The following PPP6R1 variants were observed in gnomAD, a reference collection of about 807,000 sequenced individuals.
PPP6R1 encodes serine/threonine-protein phosphatase 6 regulatory subunit 1.
Under a neutral mutation model 104.6 loss-of-function variants are expected in PPP6R1, and 39 were observed. The ratio of observed to expected loss-of-function variants is 0.37; its 90% CI spans 0.29 to 0.49. The LOEUF (loss-of-function observed/expected upper bound fraction) is 0.49. PPP6R1 is among the 20% of genes least tolerant of loss of function. The pLI, the probability that PPP6R1 is intolerant of heterozygous loss-of-function variation, is 0.98. For synonymous variants in PPP6R1, 549 were observed against 479.0 expected (o/e 1.15, Z -1.91); for missense variants, 1,181 against 1,155.8 (o/e 1.02, Z -0.32).
At chr19:55,248,177 CCTGTGCT>C (rs1040169289) in intron 1 of PPP6R1, among the ~76,000 whole-genome samples, 19 of 152,374 alleles carry the variant, frequency 1.2e-4, no homozygotes, top group Admixed American at 3.3e-4. Context: ...TGACCTGTGA[CCTGTGCT>C]CTGGGCACTT....
intron 15 of PPP6R1, 126 bp downstream of exon 15, chr19:55,239,279 G>A (rs1264032021): frequency 1.1e-6 from 1 of 948,084 alleles, no homozygotes; most frequent in Non-Finnish European, 1.6e-6. Context: ...CGCGTGCCCA[G>A]GAGGGGCCAC....
chr19:55,249,110 G>A (rs2087533692), intron 1 of PPP6R1, among the ~76,000 whole-genome samples: 1 of 152,208 alleles, frequency 6.6e-6, no homozygotes, highest in Non-Finnish European at 1.5e-5. Context: ...CGACAGTCAT[G>A]GCGGCAGCAG....
intron 1 of PPP6R1, among the ~76,000 whole-genome samples, chr19:55,252,347 A>T (rs2087559974): frequency 6.6e-6 from 1 of 150,628 alleles, no homozygotes; most frequent in African/African-American, 2.5e-5. Context: ...CTCCTGCCTC[A>T]GCCTCCCGAG....
chr19:55,246,005 T>C (rs1280205881), intron 2 of PPP6R1, among the ~76,000 whole-genome samples: 1 of 152,114 alleles, frequency 6.6e-6, no homozygotes, highest in Non-Finnish European at 1.5e-5. Flanking sequence ...TGCAACCCCG[T>C]ATGCTGCCCC....
In PPP6R1 at chr19:55,239,610, T is replaced by G. The variant is rs201526240; in HGVS notation, c.1637A>C (p.Glu546Ala). The change falls in exon 14 of 24, where the codon GAG becomes GCG. Residue 546 changes from glutamate (E) to alanine (A), a missense_variant. Physicochemically the swap from Glu to Ala is moderately radical, Grantham distance 107 (BLOSUM62 -1). This residue lies in a region of PPP6R1 where 1,042 missense variants were observed against 955.6 expected (regional missense o/e 1.09). Coordinates refer to ENST00000412770, the MANE Select transcript of PPP6R1 (RefSeq NM_014931.4). ...CACGCCCACCTGCTGCAGCACAGCC[T>G]CCTCAGGGAAGTTGAACTCCTTGAG... ...DRLKEFNFPE[E>A]AVLQQAFMDF... 8 of 1,611,438 alleles carry G rather than the reference T, an allele frequency of 5.0e-6. No individual in the cohort carries two copies. The highest frequency in any genetic ancestry group is 2.5e-6 in the Non-Finnish European group (3 of 1,178,814).
intron 13 of PPP6R1, 59 bp downstream of exon 13, chr19:55,239,767 A>G: frequency 1.3e-6 from 2 of 1,596,372 alleles, no homozygotes. Flanking sequence ...TGGGAGGCTA[A>G]GACTGGCCCA....
At chr19:55,233,619 C>A (rs2087369233) in intron 17 of PPP6R1, among the ~76,000 whole-genome samples, 1 of 152,140 alleles carries the variant, frequency 6.6e-6, no homozygotes, top group Admixed American at 6.6e-5. Context: ...GATCAACATA[C>A]AAAAACCTAT....
rs1417584177 is a variant in PPP6R1, at chr19:55,247,028, C to G, written c.76G>C (p.Glu26Gln). The stretch of plus-strand genomic sequence containing the variant: ...AGCACGTCTTCCTCGTCCAGCAGCT[C>G]GGGCAGGCTCAGGTCCTCCCGCTCC... ...LLEREDLSLP[E>Q]LLDEEDVLQE... The change falls in exon 2 of 24, where the codon GAG (glutamate) becomes CAG (glutamine). Residue 26 changes from glutamate (E) to glutamine (Q), a missense_variant. Glu to Gln is a conservative substitution (Grantham distance 29). This residue lies in a region of PPP6R1 where 139 missense variants were observed against 200.1 expected (regional missense o/e 0.69). Coordinates refer to ENST00000412770, the MANE Select transcript of PPP6R1 (RefSeq NM_014931.4). 1 of 1,613,886 alleles carries G rather than the reference C, an allele frequency of 6.2e-7. No homozygotes were observed.
rs114859153 is a variant in PPP6R1 at position 55,245,909 on chromosome 19, C to A, written c.228-231G>T. Among the ~76,000 whole-genome samples, 1,990 of 152,250 alleles carry A rather than the reference C, an allele frequency of 0.013. 38 individuals are homozygous for A. The highest frequency in any genetic ancestry group is 0.046 in the African/African-American group (1,916 of 41,524). On this transcript the variant is annotated intron_variant, in intron 2 of 23. Coordinates refer to ENST00000412770, the MANE Select transcript of PPP6R1 (RefSeq NM_014931.4). This position sits in a 1 kb window ranked among gnomAD's most constrained non-coding sequence, Gnocchi z 6.4. ...TCCCATCCTAGGCTCCTTACCACCC[C>A]CAAGACAAGCTGGTCCTGAAGCTCC...
chr19:55,242,253 C>T lies in PPP6R1; in HGVS notation c.758G>A (p.Ser253Asn). Residue 253 changes from serine (S) to asparagine (N), a missense_variant, in exon 7 of 24, where the codon AGC becomes AAC. Ser to Asn is a conservative substitution (Grantham distance 46). Coordinates refer to ENST00000412770, the MANE Select transcript of PPP6R1 (RefSeq NM_014931.4). ...GCTCTGCTCCCCCTCGAACATGTTG[C>T]TTAAGAGCTGCTCAATCGTCTCCTG... ...EKQETIEQLL[S>N]NMFEGEQSQS... 6.2e-7 allele frequency: 1 copy of T among 1,613,924 alleles called. No individual in the cohort carries two copies. The highest frequency in any genetic ancestry group is 8.5e-7 in the Non-Finnish European group (1 of 1,179,878).
At chr19:55,232,362 AC>A in intron 17 of PPP6R1, 151 bp from the exon 18 acceptor site, 1 of 1,204,032 alleles carries the variant, frequency 8.3e-7, no homozygotes, top group Non-Finnish European at 1.1e-6. Context: ...GTGTGACGAC[AC>A]CAGGAGAGGC....
intron 5 of PPP6R1, among the ~76,000 whole-genome samples, chr19:55,244,709 G>A (rs182614870): frequency 6.6e-6 from 1 of 152,124 alleles, no homozygotes; most frequent in East Asian, 1.9e-4. Context: ...GGATACACCT[G>A]GTTCTCAATG....
At chr19:55,251,864 G>A (rs1042155673) in intron 1 of PPP6R1, among the ~76,000 whole-genome samples, 9 of 152,166 alleles carry the variant, frequency 5.9e-5, no homozygotes, top group African/African-American at 1.4e-4. Flanking sequence ...AGGGGCAACC[G>A]CCAAATTTAT....
At chr19:55,244,648 A>G (rs1414739144) in intron 5 of PPP6R1, among the ~76,000 whole-genome samples, 2 of 152,252 alleles carry the variant, frequency 1.3e-5, no homozygotes. Flanking sequence ...TTCGGAGGCC[A>G]CAGTGGGAGA....
chr19:55,231,225 C>G (rs558973263), intron 21 of PPP6R1, among the ~76,000 whole-genome samples, 185 bp downstream of exon 21: 3 of 152,138 alleles, frequency 2.0e-5, no homozygotes, highest in Non-Finnish European at 4.4e-5. Flanking sequence ...CCCAAGCATC[C>G]CAGGCTACTA....
chr19:55,232,240 C>A, intron 17 of PPP6R1, 29 bp from the exon 18 acceptor site: 1 of 1,518,694 alleles, frequency 6.6e-7, no homozygotes, highest in Non-Finnish European at 8.9e-7. Context: ...CGTCAGCTAG[C>A]TGTGTGGGAC....
chr19:55,237,054 A>G (rs1193308306), intron 15 of PPP6R1, 84 bp from the exon 16 acceptor site: 1 of 1,379,814 alleles, frequency 7.2e-7, no homozygotes, highest in Non-Finnish European at 1.0e-6. Context: ...TTCTTCACTC[A>G]ACACAGAGCT....
At chr19:55,228,761 A>G (rs1160365849), downstream of PPP6R1, 2 of 1,612,304 alleles carry the variant, frequency 1.2e-6, no homozygotes, top group Admixed American at 3.3e-5. Flanking sequence ...ATAGCCCCAG[A>G]GCGACCTAAT....
At chr19:55,235,201 G>T (rs59899162) in intron 17 of PPP6R1, among the ~76,000 whole-genome samples, 17,414 of 139,208 alleles carry the variant, frequency 0.13, 1,089 homozygotes, top group Middle Eastern at 0.17. Context: ...GGGCCGGCCA[G>T]TATTAAGAGA....
Sources: allele counts gnomAD v4.1 joint callset (sites outside exome capture counted in the v4.1 genomes callset), GRCh38; gene constraint gnomAD v4.1.1; regional missense constraint gnomAD v4.1.1; non-coding constraint Gnocchi (gnomAD v3.1); transcripts MANE v1.5; gene names NCBI Gene and HGNC (gene_info 2026-07-23, HGNC 2026-07-21).